RGPD4: variants seen among roughly 807,000 people sequenced by gnomAD.
The protein encoded by RGPD4 is RANBP2 like and GRIP domain containing 4, also known as ranBP2-like and GRIP domain-containing protein 4.
A neutral mutation model predicts 141.1 loss-of-function variants in RGPD4; 84 were observed. The observed-to-expected ratio is 0.60, with a 90% confidence interval of 0.50 to 0.71. RGPD4 has a LOEUF of 0.71. Ranked by LOEUF, RGPD4 falls within the 30% of genes least tolerant of loss-of-function variation. The pLI, the probability that RGPD4 is intolerant of heterozygous loss-of-function variation, is 0.00. For missense variants in RGPD4, 918 were observed against 1,622.4 expected (o/e 0.57, Z 7.46); for synonymous variants, 298 against 566.8 (o/e 0.53, Z 6.74).
chr2:107,836,671 TA>T lies in RGPD4; in HGVS notation c.140+4del, dbSNP rs1681676938. ...TAAAGAATATGATCTTGCTAAAAAGTAAGTACAAACTGTAACATGTATTCTT... is the reference window on the plus strand; with the variant it reads ...TAAAGAATATGATCTTGCTAAAAAGTAGTACAAACTGTAACATGTATTCTT... On this transcript the variant is annotated splice_donor_region_variant and intron_variant, in intron 2 of 22. Coordinates refer to ENST00000408999, the MANE Select transcript of RGPD4 (RefSeq NM_182588.3). 1 of 1,465,194 alleles carries T rather than the reference TA, an allele frequency of 6.8e-7. No individual in the cohort carries two copies. Among genetic ancestry groups the T allele is most frequent in the South Asian group, 1.2e-5 (1 of 81,408 alleles). 90.8% of individuals were successfully genotyped at this position (1,465,194 alleles called of 1,614,324 possible).
At chr2:107,884,396 G>GTT (rs1675454126) in intron 22 of RGPD4, among the ~76,000 whole-genome samples, 1 of 151,870 alleles carries the variant, frequency 6.6e-6, no homozygotes, top group Non-Finnish European at 1.5e-5. Context: ...CACCACGCCC[G>GTT]GCCATTTTGT....
rs372190429 is a variant in RGPD4 at position 107,888,330 on chromosome 2, C to A, written c.5267-2391C>A. Among the ~76,000 whole-genome samples the A allele has an allele frequency of 6.4e-4, 95 of 148,042 alleles. 1 individual carries two copies. The East Asian group carries it at 0.015, about 23-fold the overall frequency. On this transcript the variant is annotated intron_variant, in intron 22 of 22. Transcript: ENST00000408999. ...GCAAAATTTTTATTTTGTCAAAAAT[C>A]TTATATTCAGCTTACACCATTCATT... is the stretch of plus-strand genomic sequence containing the variant.
rs1558783388 is a variant in RGPD4, at chr2:107,827,053, TC to T, written c.42del (p.Val15CysfsTer75). 7 of 1,597,588 alleles carry T rather than the reference TC, an allele frequency of 4.4e-6. 1 individual carries two copies. The highest frequency in any genetic ancestry group is 6.0e-6 in the Non-Finnish European group (7 of 1,173,480). On this transcript the variant is annotated frameshift_variant, in exon 1 of 23. Coordinates refer to ENST00000408999, the MANE Select transcript of RGPD4 (RefSeq NM_182588.3). LOFTEE classifies it high-confidence loss of function. ...SKAYGERYVASVQGSAPSPRK... is the reference protein window; with the variant it reads ...SKAYGERYVAXVQGSAPSPRK... ...GGCCTACGGGGAGCGGTACGTCGCC[TC>T]CGTGCAGGGCTCCGCCCCGTCGCCT...
At chr2:107,884,261 C>T (rs1205108884) in intron 22 of RGPD4, among the ~76,000 whole-genome samples, 1 of 152,016 alleles carries the variant, frequency 6.6e-6, no homozygotes, top group Non-Finnish European at 1.5e-5. Flanking sequence ...CAGATGCACG[C>T]CAGCTAATTT....
chr2:107,888,625 A>T (rs1250434772), intron 22 of RGPD4, among the ~76,000 whole-genome samples: 3 of 150,906 alleles, frequency 2.0e-5, no homozygotes, highest in East Asian at 1.9e-4. Flanking sequence ...GGCTAACCTA[A>T]TGAGTTATTT....
chr2:107,834,111 G>A lies in RGPD4; in HGVS notation c.73-2491G>A, dbSNP rs1053532328. On this transcript the variant is annotated intron_variant, in intron 1 of 22. Coordinates refer to ENST00000408999, the MANE Select transcript of RGPD4 (RefSeq NM_182588.3). ...TTGCTATAGTTCTTTTTTTTTTTGA[G>A]ATGGAGTCTTGCTCTGTTGCCAGAG... is the stretch of plus-strand genomic sequence containing the variant. Among the ~76,000 whole-genome samples, 18 of 151,006 alleles carry A rather than the reference G, an allele frequency of 1.2e-4. 1 individual carries two copies. Among genetic ancestry groups the A allele is most frequent in the Admixed American group, 1.2e-3 (18 of 15,200 alleles).
At chr2:107,834,007 A>G (rs1681585688) in intron 1 of RGPD4, among the ~76,000 whole-genome samples, 1 of 75,994 alleles carries the variant, frequency 1.3e-5, no homozygotes, top group South Asian at 4.5e-4. Context: ...CTCCATCTCA[A>G]AAACAAAAAA....
At position 107,873,591 on chromosome 2, in the gene RGPD4, AAAAAAAAAAT is replaced by A. The variant is rs1416721795; in HGVS notation, c.4924+665_4924+674del. ...TTTGTCTCCAAAAAAAAAAAAAAAA[AAAAAAAAAAT>A]ATGATATTGAGATGTTCTCATTTTA... On this transcript the variant is annotated intron_variant, in intron 20 of 22. Transcript: ENST00000408999. Among the ~76,000 whole-genome samples the A allele has an allele frequency of 2.9e-4, 32 of 111,600 alleles. 1 individual carries two copies. Among genetic ancestry groups the A allele is most frequent in the African/African-American group, 1.2e-3 (31 of 25,182 alleles). The allele number at this position is 111,600 out of a possible 152,430, so 73.2% of individuals were successfully genotyped here. A position where few individuals can be genotyped will look rare whatever the true frequency, so the allele number is the denominator to read the frequency against.
intron 22 of RGPD4, among the ~76,000 whole-genome samples, chr2:107,884,231 C>T (rs1161344315): frequency 6.6e-6 from 1 of 152,096 alleles, no homozygotes; most frequent in Non-Finnish European, 1.5e-5. Context: ...CTGCCTCGGC[C>T]TCCCAAGTAG....
chr2:107,883,401 G>A (rs550771009), intron 22 of RGPD4, among the ~76,000 whole-genome samples: 5 of 151,580 alleles, frequency 3.3e-5, no homozygotes, highest in African/African-American at 1.2e-4. Flanking sequence ...GGAGGCCGAG[G>A]CAGGCGGATC....
chr2:107,835,689 A>C (rs1211926888), intron 1 of RGPD4, among the ~76,000 whole-genome samples: 3 of 135,264 alleles, frequency 2.2e-5, no homozygotes, highest in Admixed American at 7.5e-5. Flanking sequence ...GAGTGGTACC[A>C]CAGGGTTTCC....
chr2:107,834,583 G>A (rs1202594128), intron 1 of RGPD4, among the ~76,000 whole-genome samples: 2 of 152,104 alleles, frequency 1.3e-5, no homozygotes, highest in Non-Finnish European at 2.9e-5. Flanking sequence ...TTGGAGTATT[G>A]CAGTGCTTGT....
intron 22 of RGPD4, among the ~76,000 whole-genome samples, chr2:107,886,147 C>T (rs1675504595): frequency 7.2e-6 from 1 of 139,176 alleles, no homozygotes; most frequent in South Asian, 2.3e-4. Flanking sequence ...TGGGAAAAGA[C>T]ATCAAACATG....
At chr2:107,854,238 A>C (rs1305194387) in intron 7 of RGPD4, among the ~76,000 whole-genome samples, 1 of 140,640 alleles carries the variant, frequency 7.1e-6, no homozygotes, top group Non-Finnish European at 1.5e-5. Flanking sequence ...TTTTTTTTTT[A>C]TTTTTAGTAG....
At chr2:107,873,088 G>A (rs1165790878) in intron 20 of RGPD4, among the ~76,000 whole-genome samples, 160 bp downstream of exon 20, 9 of 59,534 alleles carry the variant, frequency 1.5e-4, no homozygotes, top group South Asian at 6.4e-4. Flanking sequence ...ATAAGTTCAC[G>A]GTGAGGTTTC....
At chr2:107,855,604 CAG>C (rs1169476997) in intron 8 of RGPD4, among the ~76,000 whole-genome samples, 4 of 147,224 alleles carry the variant, frequency 2.7e-5, no homozygotes, top group Non-Finnish European at 4.5e-5. Context: ...AATTGCCCAG[CAG>C]AATTAACTCG....
chr2:107,882,721 A>T lies in RGPD4; in HGVS notation c.5114A>T (p.Glu1705Val), dbSNP rs3930033. The stretch of plus-strand genomic sequence containing the variant: ...TTGGAAAGGAATCAAGAGCAAGAGG[A>T]GTCTGCAGCTAACGTGGAACACTTG... ...RRLERNQEQE[E>V]SAANVEHLKN... The change falls in exon 22 of 23, where the codon GAG becomes GTG. Residue 1705 changes from glutamate (E) to valine (V), a missense_variant. Transcript: ENST00000408999. The T allele has an allele frequency of 1.7e-5, 28 of 1,611,562 alleles. No individual in the cohort carries two copies. Among genetic ancestry groups the T allele is most frequent in the Middle Eastern group, 2.3e-4 (1 of 4,430 alleles).
intron 10 of RGPD4, 39 bp downstream of exon 10, chr2:107,859,334 T>C: frequency 6.3e-7 from 1 of 1,593,342 alleles, no homozygotes; most frequent in East Asian, 2.2e-5. Context: ...TTCTGAATTT[T>C]GTTTAATTTT....
chr2:107,830,800 G>C (rs1344083207), intron 1 of RGPD4, among the ~76,000 whole-genome samples: 1 of 151,996 alleles, frequency 6.6e-6, no homozygotes, highest in Non-Finnish European at 1.5e-5. Context: ...ATGCTTTCTA[G>C]AATGTCGGAG....
Sources: gnomAD v4.1 joint callset for allele counts (sites outside exome capture counted in the v4.1 genomes callset) on GRCh38, gnomAD v4.1.1 for gene constraint, MANE v1.5 for transcripts, NCBI Gene and HGNC (gene_info 2026-07-23, HGNC 2026-07-21) for gene names.